AFF3: variants seen among roughly 807,000 people sequenced by gnomAD.
AFF3 encodes the protein AF4/FMR2 family member 3.
Under a neutral mutation model 129.7 loss-of-function variants are expected in AFF3, and 32 were observed. That is an observed-to-expected ratio of 0.25 (90% CI 0.19 to 0.33). AFF3 has a LOEUF of 0.33. Among genes scored for constraint, AFF3 ranks in the 10% least tolerant of loss-of-function variants. The probability of loss-of-function intolerance (pLI) is 1.00; values close to 1 mark genes in which losing one functional copy is unlikely to be tolerated. For missense variants in AFF3, 1,373 were observed against 1,592.0 expected (o/e 0.86, Z 2.34); for synonymous variants, 644 against 635.4 (o/e 1.01, Z -0.20).
At chr2:100,006,582 GT>G (rs750531091) in intron 7 of AFF3, 49 bp downstream of exon 7, 5 of 1,517,500 alleles carry the variant, frequency 3.3e-6, no homozygotes, top group Non-Finnish European at 4.4e-6. Flanking sequence ...GGGTCAAATT[GT>G]CACTTGTAAC....
At chr2:100,032,177 A>G (rs1255052054) in intron 4 of AFF3, among the ~76,000 whole-genome samples, 1 of 152,198 alleles carries the variant, frequency 6.6e-6, no homozygotes, top group East Asian at 1.9e-4. Context: ...CTGTAATCCT[A>G]GCACTTTGGG....
chr2:100,132,707 T>C (rs897936046), intron 1 of AFF3, among the ~76,000 whole-genome samples: 26 of 152,184 alleles, frequency 1.7e-4, no homozygotes, highest in Middle Eastern at 3.2e-3. Context: ...TGCTGAGCAT[T>C]TGAATCATAG....
At chr2:99,716,022 G>T (rs921254030) in intron 11 of AFF3, among the ~76,000 whole-genome samples, 4 of 152,072 alleles carry the variant, frequency 2.6e-5, no homozygotes, top group Non-Finnish European at 5.9e-5. Flanking sequence ...ACGATTGAGG[G>T]TTATCTACAA....
At chr2:99,725,562 T>G (rs1679300369) in intron 11 of AFF3, among the ~76,000 whole-genome samples, 1 of 151,400 alleles carries the variant, frequency 6.6e-6, no homozygotes, top group Admixed American at 6.6e-5. Context: ...ATTCCTGGTC[T>G]CAAGTGATCT....
At chr2:100,107,246 G>A (rs899626844) in intron 2 of AFF3, 5 of 985,340 alleles carry the variant, frequency 5.1e-6, no homozygotes, top group Non-Finnish European at 6.0e-6. Context: ...GTTTTTACAA[G>A]TAAAATGTAG....
intron 4 of AFF3, among the ~76,000 whole-genome samples, chr2:100,018,307 T>C (rs1395250871): frequency 6.6e-6 from 1 of 152,166 alleles, no homozygotes. Context: ...TGCTGCAAAC[T>C]GGTATTGGAC....
intron 13 of AFF3, among the ~76,000 whole-genome samples, chr2:99,621,126 T>G (rs1558656167): frequency 6.6e-6 from 1 of 152,226 alleles, no homozygotes; most frequent in Non-Finnish European, 1.5e-5. Flanking sequence ...GAAGCTGTGT[T>G]AATTTCTATT....
At chr2:100,073,262 G>A (rs376133507) in intron 4 of AFF3, among the ~76,000 whole-genome samples, 1 of 152,200 alleles carries the variant, frequency 6.6e-6, no homozygotes, top group Admixed American at 6.5e-5. Context: ...CTGTGTGACT[G>A]GTGTCCTCAT....
chr2:99,813,503 C>T (rs1281158954), intron 8 of AFF3, among the ~76,000 whole-genome samples: 1 of 152,188 alleles, frequency 6.6e-6, no homozygotes, highest in Non-Finnish European at 1.5e-5. Context: ...ACCTGGAGTA[C>T]ATAACAAGGC....
At chr2:100,016,940 G>A (rs1683170328) in intron 4 of AFF3, among the ~76,000 whole-genome samples, 1 of 151,378 alleles carries the variant, frequency 6.6e-6, no homozygotes, top group African/African-American at 2.4e-5. Flanking sequence ...GGTGATGACG[G>A]TAGTGAAGTT....
chr2:99,672,955 C>T (rs1488393486), intron 11 of AFF3, among the ~76,000 whole-genome samples: 2 of 151,978 alleles, frequency 1.3e-5, no homozygotes, highest in Non-Finnish European at 2.9e-5. Context: ...TTTGAGGTGA[C>T]GAATATCCTA....
At chr2:99,767,295 G>A (rs1232898187) in intron 8 of AFF3, among the ~76,000 whole-genome samples, 3 of 152,224 alleles carry the variant, frequency 2.0e-5, no homozygotes, top group East Asian at 3.8e-4. Context: ...AACAGTTGCT[G>A]CATGGTTCTG....
At chr2:99,827,931 T>C (rs1333502495) in intron 8 of AFF3, among the ~76,000 whole-genome samples, 3 of 151,954 alleles carry the variant, frequency 2.0e-5, no homozygotes, top group Non-Finnish European at 4.4e-5. Flanking sequence ...TCCATCTCTC[T>C]GGGGACAGAG....
chr2:99,630,337 G>A (rs1356938460), intron 13 of AFF3, among the ~76,000 whole-genome samples: 1 of 152,150 alleles, frequency 6.6e-6, no homozygotes, highest in African/African-American at 2.4e-5. Context: ...AATAGCTACT[G>A]AACACCTGTC....
At chr2:99,644,067 C>G (rs1471094836) in intron 13 of AFF3, among the ~76,000 whole-genome samples, 1 of 152,190 alleles carries the variant, frequency 6.6e-6, no homozygotes, top group East Asian at 1.9e-4. Context: ...CCCCACAGAG[C>G]ATGCTGGATG....
chr2:99,697,382 T>C (rs965555490), intron 11 of AFF3, among the ~76,000 whole-genome samples: 12 of 152,200 alleles, frequency 7.9e-5, no homozygotes, highest in African/African-American at 1.2e-4. Flanking sequence ...ATGGTTGAGA[T>C]TGTAGATATC....
At chr2:100,126,586 A>T (rs912896187) in intron 2 of AFF3, among the ~76,000 whole-genome samples, 1 of 152,206 alleles carries the variant, frequency 6.6e-6, no homozygotes, top group Non-Finnish European at 1.5e-5. Flanking sequence ...TTTCTAAGGC[A>T]CTTAACTTAC....
intron 7 of AFF3, among the ~76,000 whole-genome samples, chr2:99,923,245 C>G (rs1239831945): frequency 6.6e-6 from 1 of 152,170 alleles, no homozygotes; most frequent in African/African-American, 2.4e-5. Context: ...TGGATCTATT[C>G]AGACCATACT....
chr2:99,983,915 A>G (rs1423076518), intron 7 of AFF3, among the ~76,000 whole-genome samples: 1 of 152,176 alleles, frequency 6.6e-6, no homozygotes, highest in Non-Finnish European at 1.5e-5. Flanking sequence ...GGAAAAAAAA[A>G]GCAACTTCAA....
Sources: allele counts gnomAD v4.1 joint callset (sites outside exome capture counted in the v4.1 genomes callset), GRCh38; gene constraint gnomAD v4.1.1; transcripts MANE v1.5; gene names NCBI Gene and HGNC (gene_info 2026-07-23, HGNC 2026-07-21).